Variants in DPP6 observed in about 807,000 individuals in gnomAD.
DPP6 encodes A-type potassium channel modulatory protein DPP6.
Under a neutral mutation model 122.6 loss-of-function variants are expected in DPP6, and 69 were observed. The ratio of observed to expected loss-of-function variants is 0.56; its 90% CI spans 0.46 to 0.69. The LOEUF (loss-of-function observed/expected upper bound fraction) is 0.69. Among genes scored for constraint, DPP6 ranks in the 30% least tolerant of loss-of-function variants. The pLI is 0.00. For synonymous variants in DPP6, 418 were observed against 433.1 expected, an observed-to-expected ratio of 0.97 and a Z score of 0.43; for missense variants, 928 against 1,116.9, an observed-to-expected ratio of 0.83 and a Z score of 2.41.
chr7:154,097,182 C>A (rs1166483484), intron 1 of DPP6, among the ~76,000 whole-genome samples: 1 of 152,206 alleles, frequency 6.6e-6, no homozygotes, highest in Non-Finnish European at 1.5e-5. Context: ...GTACCTGGAA[C>A]CAGCCAATTG....
chr7:154,132,684 A>G (rs1353349863), intron 1 of DPP6, among the ~76,000 whole-genome samples: 1 of 152,026 alleles, frequency 6.6e-6, no homozygotes, highest in Non-Finnish European at 1.5e-5. Flanking sequence ...GTGGGTTTCC[A>G]CTGCCTAAAG....
chr7:154,367,897 C>T (rs929504174), intron 1 of DPP6, among the ~76,000 whole-genome samples: 1 of 152,190 alleles, frequency 6.6e-6, no homozygotes, highest in African/African-American at 2.4e-5. Context: ...ACCTCCGCCT[C>T]CCGGGTTCAA....
In DPP6 at chr7:154,892,646, T is replaced by G. The variant is rs2150710587; in HGVS notation, c.*166T>G. 1 of 1,386,886 alleles carries G rather than the reference T, an allele frequency of 7.2e-7. No homozygotes were observed. Among genetic ancestry groups the G allele is most frequent in the Non-Finnish European group, 9.9e-7 (1 of 1,009,492 alleles). 85.9% of individuals were successfully genotyped at this position (1,386,886 alleles called of 1,614,324 possible). ...AGGCAGTTTTGCTTGGGAAACAAGCTCCTTCCCCGGGGTCATCACTCACGG... is the reference window on the plus strand; with the variant it reads ...AGGCAGTTTTGCTTGGGAAACAAGCGCCTTCCCCGGGGTCATCACTCACGG... On this transcript the variant is annotated 3_prime_UTR_variant, in exon 26 of 26. Transcript: ENST00000377770.
intron 1 of DPP6, chr7:154,305,080 C>CCCAGCT (rs1806197945): frequency 7.1e-6 from 1 of 140,488 alleles, no homozygotes; most frequent in African/African-American, 3.6e-5. Context: ...CAGCCCCAGC[C>CCCAGCT]CCAGCCCGGC....
At chr7:154,098,644 G>A (rs1805509874) in intron 1 of DPP6, among the ~76,000 whole-genome samples, 1 of 151,502 alleles carries the variant, frequency 6.6e-6, no homozygotes, top group East Asian at 1.9e-4. Flanking sequence ...GCCACAGGGT[G>A]ATGTGCCCCA....
intron 10 of DPP6, among the ~76,000 whole-genome samples, chr7:154,783,477 T>G (rs1052587693): frequency 6.6e-6 from 1 of 152,122 alleles, no homozygotes. Flanking sequence ...CAGTGGCGTG[T>G]GGCATTATTG....
intron 1 of DPP6, among the ~76,000 whole-genome samples, chr7:154,188,137 A>G (rs1798440399): frequency 6.6e-6 from 1 of 152,046 alleles, no homozygotes; most frequent in Non-Finnish European, 1.5e-5. Flanking sequence ...GGAAGGCAGC[A>G]CCTCAGCAGA....
chr7:154,411,159 T>C (rs1816563681), intron 1 of DPP6, among the ~76,000 whole-genome samples: 1 of 152,252 alleles, frequency 6.6e-6, no homozygotes, highest in Non-Finnish European at 1.5e-5. Context: ...GTCACAGAAG[T>C]AGACATATAT....
At chr7:154,727,699 T>G in intron 7 of DPP6, 68 bp from the exon 8 acceptor site, 2 of 1,496,752 alleles carry the variant, frequency 1.3e-6, no homozygotes, top group Non-Finnish European at 1.8e-6. Context: ...ATTTCAGATT[T>G]TTTAAGAACA....
chr7:154,369,890 A>T (rs1398424141), intron 1 of DPP6, among the ~76,000 whole-genome samples: 1 of 152,222 alleles, frequency 6.6e-6, no homozygotes, highest in African/African-American at 2.4e-5. Flanking sequence ...AATGTCCACC[A>T]GGTGTTTATT....
At chr7:153,945,503 G>C (rs1026720130) in intron 1 of DPP6, among the ~76,000 whole-genome samples, 47 of 152,120 alleles carry the variant, frequency 3.1e-4, no homozygotes, top group African/African-American at 1.1e-3. Context: ...TGTGAGACTA[G>C]AAATTTGGGA....
chr7:153,831,488 G>T, the DPP6 span, among the ~76,000 whole-genome samples: 1 of 152,070 alleles, frequency 6.6e-6, no homozygotes, highest in African/African-American at 2.4e-5. Context: ...TACAGCAGGG[G>T]GTGGCAAACG....
chr7:153,927,699 G>A (rs909552474), intron 1 of DPP6, among the ~76,000 whole-genome samples: 11 of 152,186 alleles, frequency 7.2e-5, no homozygotes, highest in Non-Finnish European at 1.5e-4. Context: ...GGTGCTAAGA[G>A]TATAATCCAA....
chr7:154,573,720 ATG>A (rs1831276254), intron 5 of DPP6, among the ~76,000 whole-genome samples: 1 of 152,252 alleles, frequency 6.6e-6, no homozygotes, highest in South Asian at 2.1e-4. Context: ...GATTTTTGAA[ATG>A]TGTGTTTTCA....
intron 1 of DPP6, among the ~76,000 whole-genome samples, chr7:154,036,294 G>A (rs910096769): frequency 3.7e-5 from 4 of 108,352 alleles, no homozygotes; most frequent in South Asian, 3.2e-4. Context: ...TATTTTTAGC[G>A]GGGGGTTGGG....
At chr7:153,798,399 A>C in the DPP6 span, among the ~76,000 whole-genome samples, 107 of 152,188 alleles carry the variant, frequency 7.0e-4, 1 homozygote, top group Non-Finnish European at 1.0e-3. Context: ...AGCTGATTTT[A>C]TTTCTTGTCC....
At chr7:154,654,488 G>A (rs186236541) in intron 6 of DPP6, among the ~76,000 whole-genome samples, 2 of 142,244 alleles carry the variant, frequency 1.4e-5, no homozygotes, top group African/African-American at 2.6e-5. Flanking sequence ...ACGTGATCTC[G>A]GCTCACTGCA....
chr7:154,794,004 T>C, intron 10 of DPP6, 75 bp from the exon 11 acceptor site: 1 of 1,554,416 alleles, frequency 6.4e-7, no homozygotes, highest in Non-Finnish European at 8.7e-7. Context: ...TGTCCAGGGC[T>C]GGGGTCGGCG....
At chr7:154,841,762 C>A (rs1490924581) in intron 16 of DPP6, among the ~76,000 whole-genome samples, 3 of 151,730 alleles carry the variant, frequency 2.0e-5, no homozygotes, top group Non-Finnish European at 4.4e-5. Flanking sequence ...TTTCCACGGC[C>A]CCCCTCGAGC....
Sources: gnomAD v4.1 joint callset for allele counts (sites outside exome capture counted in the v4.1 genomes callset) on GRCh38, gnomAD v4.1.1 for gene constraint, MANE v1.5 for transcripts, NCBI Gene and HGNC (gene_info 2026-07-23, HGNC 2026-07-21) for gene names.